Variants in PRRC2C observed in about 807,000 individuals in gnomAD.
The protein encoded by PRRC2C is proline rich coiled-coil 2C.
In PRRC2C, 72 loss-of-function variants were observed where a neutral mutation model predicts 317.2. The observed-to-expected ratio is 0.23, with a 90% CI of 0.19 to 0.28. The LOEUF (loss-of-function observed/expected upper bound fraction) is 0.28, where lower values mean the gene tolerates loss of function less well. Among genes scored for constraint, PRRC2C ranks in the 10% least tolerant of loss-of-function variants. PRRC2C has a pLI of 1.00. For synonymous variants in PRRC2C, 1,296 were observed against 1,205.9 expected, an observed-to-expected ratio of 1.07 and a Z score of -1.55; for missense variants, 3,074 against 3,459.7, an observed-to-expected ratio of 0.89 and a Z score of 2.80.
intron 33 of PRRC2C, 61 bp from the exon 34 acceptor site, chr1:171,589,308 G>GTTT (rs11284338): frequency 6.2e-3 from 2,734 of 438,360 alleles, no homozygotes; most frequent in South Asian, 0.011. Context: ...CTAGTTGGCA[G>GTTT]TTTTTTTTTT....
intron 17 of PRRC2C, among the ~76,000 whole-genome samples, chr1:171,548,177 CA>C (rs1679529098): frequency 6.6e-6 from 1 of 151,940 alleles, no homozygotes. Context: ...CCATGTTAGC[CA>C]GGCTAGTCAG....
intron 28 of PRRC2C, among the ~76,000 whole-genome samples, chr1:171,583,537 T>C (rs1649185782): frequency 6.6e-6 from 1 of 152,186 alleles, no homozygotes. Flanking sequence ...AGCTGTTTTA[T>C]AAGTTTTAAG....
intron 11 of PRRC2C, 121 bp downstream of exon 11, chr1:171,527,965 A>G: frequency 2.8e-6 from 2 of 723,558 alleles, no homozygotes; most frequent in Non-Finnish European, 4.7e-6. Context: ...TTACCTTGTG[A>G]CTCTTACATG....
chr1:171,513,560 GAT>G (rs1557888365), intron 3 of PRRC2C: 3 of 405,162 alleles, frequency 7.4e-6, no homozygotes, highest in African/African-American at 6.2e-5. Context: ...GAAACTGCCT[GAT>G]GTTTCATAGG....
At chr1:171,510,550 A>G (rs1671171988) in intron 1 of PRRC2C, 2 of 152,116 alleles carry the variant, frequency 1.3e-5, no homozygotes, top group African/African-American at 4.8e-5. Context: ...TGCCAATAGG[A>G]TAGATTTTGG....
rs1248774896 is a variant in PRRC2C, at chr1:171,566,728, C to T, written c.6443C>T (p.Thr2148Ile). The change falls in exon 22 of 35, where the codon ACA becomes ATA. Residue 2148 changes from threonine (T) to isoleucine (I), a missense_variant. Transcript: ENST00000647382. ...GGACAAGAGAAACCAAGCCCAGCTACAGTCAGAAGCACAGATCCTGTCACG... is the reference window on the plus strand; with the variant it reads ...GGACAAGAGAAACCAAGCCCAGCTATAGTCAGAAGCACAGATCCTGTCACG... ...PEGQEKPSPATVRSTDPVTTK... is the reference protein window; with the variant it reads ...PEGQEKPSPAIVRSTDPVTTK... 1 of 1,613,624 alleles carries T rather than the reference C, an allele frequency of 6.2e-7. No homozygotes were observed. Among genetic ancestry groups the T allele is most frequent in the African/African-American group, 1.3e-5 (1 of 74,910 alleles).
chr1:171,529,268 G>A (rs1675330674), intron 11 of PRRC2C, among the ~76,000 whole-genome samples: 1 of 152,030 alleles, frequency 6.6e-6, no homozygotes, highest in Non-Finnish European at 1.5e-5. Flanking sequence ...TGAGCTGATG[G>A]CATTCAAATG....
At chr1:171,570,299 C>G (rs1335872331) in intron 23 of PRRC2C, among the ~76,000 whole-genome samples, 1 of 152,072 alleles carries the variant, frequency 6.6e-6, no homozygotes, top group African/African-American at 2.4e-5. Context: ...GAACTTTTGT[C>G]TTTCTTAATT....
chr1:171,511,085 T>A (rs2102238789), intron 1 of PRRC2C: 1 of 152,322 alleles, frequency 6.6e-6, no homozygotes, highest in Non-Finnish European at 1.5e-5. Flanking sequence ...TTGGTATACC[T>A]ATTCTATACT....
At position 171,557,522 on chromosome 1, in the gene PRRC2C, CCAGCCTCACCCTTAGCTCCAGTTT is replaced by C; in HGVS notation, c.5419_5442del (p.Pro1807_Ser1814del). On this transcript the variant is annotated inframe_deletion, in exon 19 of 35. Transcript: ENST00000647382. ...TCTGGCCTCAACCTCAGCTCCAGTT[CCAGCCTCACCCTTAGCTCCAGTTT>C]CAGCCTCAGCCTCAGTCTCAGCTTC... is the stretch of plus-strand genomic sequence containing the variant. 4.5e-6 allele frequency: 7 copies of C among 1,551,562 alleles called. No individual in the cohort carries two copies. The highest frequency in any genetic ancestry group is 2.7e-5 in the African/African-American group (2 of 73,074).
rs903566301 is a variant in PRRC2C, at chr1:171,522,212, T to A, written c.786T>A (p.Pro262=). ...FQQYPRMTYP[P]LHGPMRFPPS... ...AGTATCCGAGGATGACATATCCTCCTCTACATGGTCCCATGAGATTCCCAC... is the reference window on the plus strand; with the variant it reads ...AGTATCCGAGGATGACATATCCTCCACTACATGGTCCCATGAGATTCCCAC... The change falls in exon 7 of 35, where the codon CCT becomes CCA. Residue 262 remains proline (P), a synonymous_variant. Coordinates refer to ENST00000647382, the MANE Select transcript of PRRC2C (RefSeq NM_001387844.1). The A allele has an allele frequency of 6.3e-7, 1 of 1,599,784 alleles. No homozygotes were observed. Among genetic ancestry groups the A allele is most frequent in the African/African-American group, 1.3e-5 (1 of 74,694 alleles).
chr1:171,569,755 T>C (rs1684416232), intron 23 of PRRC2C, among the ~76,000 whole-genome samples: 1 of 151,292 alleles, frequency 6.6e-6, no homozygotes, highest in South Asian at 2.1e-4. Context: ...AATTATACTT[T>C]GTGTCTTTTC....
Position 171,584,168 on chromosome 1 carries a change from T to C in PRRC2C, c.7622T>C (p.Ile2541Thr), listed in dbSNP as rs1228528633. 1 of 1,613,162 alleles carries C rather than the reference T, an allele frequency of 6.2e-7. No homozygotes were observed. Among genetic ancestry groups the C allele is most frequent in the South Asian group, 1.1e-5 (1 of 91,060 alleles). ...TCAGGACTAGGAGGTTCCCAGCTGA[T>C]TGACACACATCTTCTCCAGGTAAGT... ...QASGLGGSQL[I>T]DTHLLQARAN... The change falls in exon 29 of 35, where the codon ATT (isoleucine) becomes ACT (threonine). Residue 2541 changes from isoleucine (I) to threonine (T), a missense_variant. By Grantham distance (89) the Ile-to-Thr change is moderately conservative (BLOSUM62 -1). Transcript: ENST00000647382.
At chr1:171,564,636 C>A (rs973856031) in intron 20 of PRRC2C, among the ~76,000 whole-genome samples, 1 of 152,190 alleles carries the variant, frequency 6.6e-6, no homozygotes, top group African/African-American at 2.4e-5. Flanking sequence ...AGTCTACTTA[C>A]ACAAACCTAG....
rs978041038 is a variant in PRRC2C at position 171,541,490 on chromosome 1, A to G, written c.4024A>G (p.Thr1342Ala). 4 of 1,613,634 alleles carry G rather than the reference A, an allele frequency of 2.5e-6. No individual in the cohort carries two copies. Among genetic ancestry groups the G allele is most frequent in the African/African-American group, 1.3e-5 (1 of 74,918 alleles). Residue 1342 changes from threonine to alanine, a missense_variant, in exon 16 of 35, where the codon ACA becomes GCA. This residue lies in a region of PRRC2C where 1,320 missense variants were observed against 1,395.7 expected (regional missense o/e 0.95). Coordinates refer to ENST00000647382, the MANE Select transcript of PRRC2C (RefSeq NM_001387844.1). This position sits in a 1 kb window ranked among gnomAD's most constrained non-coding sequence, Gnocchi z 4.1. ...KPGFLPKGEP[T>A]RRGRGGTFRR... Reference sequence around the variant, plus strand: ...AGGCTTTCTTCCTAAAGGAGAGCCTACAAGGAGAGGCAGAGGGGGAACATT... The same window carrying G: ...AGGCTTTCTTCCTAAAGGAGAGCCTGCAAGGAGAGGCAGAGGGGGAACATT...
At chr1:171,549,584 C>T (rs148667259) in intron 17 of PRRC2C, among the ~76,000 whole-genome samples, 66 of 151,988 alleles carry the variant, frequency 4.3e-4, no homozygotes, top group African/African-American at 1.4e-3. Context: ...ATTTTTTGGA[C>T]AGAGTCGCAC....
intron 1 of PRRC2C, among the ~76,000 whole-genome samples, chr1:171,505,940 TGTACA>T (rs1261940640): frequency 6.6e-6 from 1 of 152,266 alleles, no homozygotes; most frequent in African/African-American, 2.4e-5. Context: ...GTTACCGTTG[TGTACA>T]GTATTCAGTA....
At chr1:171,518,623 G>A (rs1402767969) in intron 6 of PRRC2C, among the ~76,000 whole-genome samples, 6 of 135,046 alleles carry the variant, frequency 4.4e-5, no homozygotes, top group South Asian at 4.9e-4. Context: ...TCCGCCTCCC[G>A]AGTAGCTGAA....
chr1:171,515,742 G>A lies in PRRC2C; in HGVS notation c.409G>A (p.Val137Met). The A allele has an allele frequency of 6.3e-7, 1 of 1,599,574 alleles. No homozygotes were observed. The highest frequency in any genetic ancestry group is 2.2e-5 in the East Asian group (1 of 44,762). The stretch of plus-strand genomic sequence containing the variant: ...TTTAAAAAAATCTATAGGAATCCAA[G>A]TGAATAGTCAGTTTCAGCAAGAATT... Reference protein sequence around the residue: ...KQGGQGDGIQVNSQFQQEFPS... With the variant: ...KQGGQGDGIQMNSQFQQEFPS... The change falls in exon 5 of 35, where the codon GTG becomes ATG. Residue 137 changes from valine to methionine, a missense_variant. Val to Met is a conservative substitution (Grantham distance 21). Around this residue, in one of 11 missense-constraint regions of PRRC2C, gnomAD observed 237 missense variants for 199.5 expected, o/e 1.19. Coordinates refer to ENST00000647382, the MANE Select transcript of PRRC2C (RefSeq NM_001387844.1).
Sources: gnomAD v4.1 joint callset for allele counts (sites outside exome capture counted in the v4.1 genomes callset) on GRCh38, gnomAD v4.1.1 for gene constraint, gnomAD v4.1.1 regional missense constraint, Gnocchi (gnomAD v3.1) non-coding constraint, MANE v1.5 for transcripts, NCBI Gene and HGNC (gene_info 2026-07-23, HGNC 2026-07-21) for gene names.